Variants in BCL11A observed in about 807,000 individuals in gnomAD.
BCL11A encodes the protein BCL11 transcription factor A.
In BCL11A, 2 loss-of-function variants were observed where a neutral mutation model predicts 55.9. That is an observed-to-expected ratio of 0.04 (90% confidence interval 0.01 to 0.11). BCL11A has a LOEUF of 0.11. Among genes scored for constraint, BCL11A ranks in the 10% least tolerant of loss-of-function variants. The pLI is 1.00. For missense variants in BCL11A, 817 were observed against 1,137.1 expected, an observed-to-expected ratio of 0.72 and a Z score of 4.05; for synonymous variants, 465 against 473.4, an observed-to-expected ratio of 0.98 and a Z score of 0.23.
In BCL11A at chr2:60,459,551, T is replaced by C; in HGVS notation, c.*853A>G. The stretch of plus-strand genomic sequence containing the variant: ...GGGTCATCTTTTTAGGTAGCCATTG[T>C]TGTGAGAAATACAATATAGAATTAT... On this transcript the variant is annotated 3_prime_UTR_variant, in exon 4 of 4. Transcript: ENST00000642384. The C allele has an allele frequency of 9.8e-7, 1 of 1,024,738 alleles. No homozygotes were observed. Among genetic ancestry groups the C allele is most frequent in the Non-Finnish European group, 1.2e-6 (1 of 853,086 alleles). 63.5% of individuals were successfully genotyped at this position (1,024,738 alleles called of 1,614,324 possible). A position where few individuals can be genotyped will look rare whatever the true frequency, so the allele number is the denominator to read the frequency against.
intron 3 of BCL11A, among the ~76,000 whole-genome samples, chr2:60,467,159 G>GTAGTGGTGGTGT (rs1257288129): frequency 1.6e-5 from 2 of 128,682 alleles, no homozygotes; most frequent in Non-Finnish European, 3.3e-5. Context: ...GGTGGTGGTG[G>GTAGTGGTGGTGT]TGGTGGTGAT....
downstream of BCL11A, chr2:60,452,746 C>A: frequency 8.6e-7 from 1 of 1,168,802 alleles, no homozygotes. Context: ...TGTTCTCTAA[C>A]TAGCTTTTTA....
intron 2 of BCL11A, among the ~76,000 whole-genome samples, chr2:60,481,592 C>G (rs1286901228): frequency 1.3e-5 from 2 of 152,178 alleles, no homozygotes; most frequent in Non-Finnish European, 2.9e-5. Context: ...CTAAGAGCAA[C>G]TGCAGCAGAA....
At chr2:60,527,976 C>G (rs1299170026) in intron 2 of BCL11A, 1 of 152,380 alleles carries the variant, frequency 6.6e-6, no homozygotes, top group South Asian at 2.1e-4. Flanking sequence ...TCTGGGGAAG[C>G]CACATGCGGA....
intron 2 of BCL11A, among the ~76,000 whole-genome samples, chr2:60,519,001 T>G (rs961905894): frequency 2.6e-5 from 4 of 152,192 alleles, no homozygotes; most frequent in African/African-American, 9.6e-5. Context: ...AGTTCCTTCT[T>G]TTAAAGAGCG....
At chr2:60,504,222 G>A (rs532100355) in intron 2 of BCL11A, among the ~76,000 whole-genome samples, 99 of 152,332 alleles carry the variant, frequency 6.5e-4, no homozygotes, top group African/African-American at 1.9e-3. Flanking sequence ...CTGCACTGTG[G>A]TTTCCCCAGC....
chr2:60,509,249 A>C (rs1679836041), intron 2 of BCL11A, among the ~76,000 whole-genome samples: 1 of 152,200 alleles, frequency 6.6e-6, no homozygotes, highest in Admixed American at 6.5e-5. Context: ...TTACTTTTCC[A>C]TTAGAGGGCT....
At chr2:60,477,130 G>T (rs1350535866) in intron 2 of BCL11A, among the ~76,000 whole-genome samples, 1 of 152,148 alleles carries the variant, frequency 6.6e-6, no homozygotes, top group East Asian at 1.9e-4. Flanking sequence ...CCACACTTGC[G>T]TTTCTCCCAG....
intron 2 of BCL11A, among the ~76,000 whole-genome samples, chr2:60,506,112 C>T (rs990353309): frequency 6.6e-6 from 1 of 152,038 alleles, no homozygotes; most frequent in Non-Finnish European, 1.5e-5. Context: ...AATCCCCTTT[C>T]CCAGCCATCC....
chr2:60,534,739 C>T (rs1189269525), intron 2 of BCL11A: 1 of 152,244 alleles, frequency 6.6e-6, no homozygotes, highest in Non-Finnish European at 1.5e-5. Context: ...CATCATTTTG[C>T]TCCTTTCTAC....
At chr2:60,502,763 A>T (rs947672815) in intron 2 of BCL11A, among the ~76,000 whole-genome samples, 3 of 152,264 alleles carry the variant, frequency 2.0e-5, no homozygotes, top group Non-Finnish European at 4.4e-5. Context: ...ACAGTAGAGC[A>T]GAAAGAGCAC....
chr2:60,500,782 G>A (rs759705789), intron 2 of BCL11A, among the ~76,000 whole-genome samples: 5 of 152,194 alleles, frequency 3.3e-5, no homozygotes, highest in Non-Finnish European at 7.4e-5. Context: ...AAGTTAGACA[G>A]ATGAGCTGGA....
At chr2:60,498,284 C>T (rs1679067261) in intron 2 of BCL11A, among the ~76,000 whole-genome samples, 1 of 151,812 alleles carries the variant, frequency 6.6e-6, no homozygotes, top group Non-Finnish European at 1.5e-5. Flanking sequence ...TCAGAAGAGG[C>T]CCTGGACACT....
At chr2:60,547,578 GA>G (rs1167263896) in intron 1 of BCL11A, among the ~76,000 whole-genome samples, 2 of 150,484 alleles carry the variant, frequency 1.3e-5, no homozygotes, top group African/African-American at 2.4e-5. Context: ...AACTGAAGCA[GA>G]AAATGTACAA....
At chr2:60,470,354 G>A (rs138455387) in intron 2 of BCL11A, among the ~76,000 whole-genome samples, 48 of 152,270 alleles carry the variant, frequency 3.2e-4, no homozygotes, top group South Asian at 4.2e-4. Context: ...AGAGTGTGGC[G>A]TAAAATTACT....
At chr2:60,521,865 C>T (rs1476377961) in intron 2 of BCL11A, among the ~76,000 whole-genome samples, 1 of 152,202 alleles carries the variant, frequency 6.6e-6, no homozygotes, top group African/African-American at 2.4e-5. Flanking sequence ...CCACATCTGA[C>T]TCTGCCTCAT....
intron 3 of BCL11A, among the ~76,000 whole-genome samples, chr2:60,468,221 T>C (rs1467891531): frequency 6.6e-6 from 1 of 151,920 alleles, no homozygotes; most frequent in Non-Finnish European, 1.5e-5. Context: ...AGGAGAAAAA[T>C]TAGTCAAAAT....
chr2:60,491,989 A>G (rs988367965), intron 2 of BCL11A, among the ~76,000 whole-genome samples: 2 of 152,240 alleles, frequency 1.3e-5, no homozygotes, highest in East Asian at 3.8e-4. Flanking sequence ...AGATGGATGT[A>G]GGAAAAACAA....
intron 2 of BCL11A, chr2:60,483,891 GC>G (rs201211711): frequency 1.2e-5 from 1 of 83,242 alleles, no homozygotes; most frequent in African/African-American, 5.7e-5. Context: ...TTTCTTGGTT[GC>G]TTTTTTTTCC....
Sources: gnomAD v4.1 joint callset for allele counts (sites outside exome capture counted in the v4.1 genomes callset) on GRCh38, gnomAD v4.1.1 for gene constraint, MANE v1.5 for transcripts, NCBI Gene and HGNC (gene_info 2026-07-23, HGNC 2026-07-21) for gene names.